The following HOXC5 variants were observed in gnomAD, a reference collection of about 807,000 sequenced individuals.
The protein encoded by HOXC5 is homeobox C5, also known as homeobox protein Hox-C5.
HOXC5 carries 19 observed loss-of-function variants against 20.1 expected under a neutral mutation model. That is an observed-to-expected ratio of 0.94 (90% CI 0.66 to 1.38). HOXC5 has a LOEUF of 1.38. Ranked by LOEUF, HOXC5 falls within the 40% of genes most tolerant of loss-of-function variation. The pLI is 0.00. For missense variants in HOXC5, 330 were observed against 300.1 expected (o/e 1.10, Z -0.74); for synonymous variants, 124 against 117.0 (o/e 1.06, Z -0.39).
chr12:54,034,480 A>G lies in HOXC5; in HGVS notation c.657A>G (p.Lys219=). 1.2e-6 allele frequency: 2 copies of G among 1,613,948 alleles called. No homozygotes were observed. The highest frequency in any genetic ancestry group is 8.5e-7 in the Non-Finnish European group (1 of 1,179,984). ...AGAAAGATTCCAAAATGAAAAGCAAAGAGGCTCTTTAGAGGCAGCGGGGGA... is the reference window on the plus strand; with the variant it reads ...AGAAAGATTCCAAAATGAAAAGCAAGGAGGCTCTTTAGAGGCAGCGGGGGA... The part of the protein sequence containing the change: ...KWKKDSKMKS[K]EAL Residue 219 remains lysine (K), a synonymous_variant, in exon 2 of 2, where the codon AAA becomes AAG. Transcript: ENST00000312492.
chr12:54,017,780 G>A, the HOXC5 span, among the ~76,000 whole-genome samples: 6 of 152,206 alleles, frequency 3.9e-5, no homozygotes, highest in Admixed American at 2.6e-4. Flanking sequence ...AACTGGGTCG[G>A]AGCGGAACTG....
chr12:54,034,675 CG>C lies in HOXC5; in HGVS notation c.*187del, dbSNP rs1164839338. 3.4e-6 allele frequency: 2 copies of C among 589,806 alleles called. No homozygotes were observed. The highest frequency in any genetic ancestry group is 6.0e-6 in the Non-Finnish European group (2 of 333,400). 36.5% of individuals were successfully genotyped at this position (589,806 alleles called of 1,614,324 possible). A position where few individuals can be genotyped will look rare whatever the true frequency, so the allele number is the denominator to read the frequency against. ...CATCCCTACCGACCCAGGGTTCCCG[CG>C]GGGCTGTCGGCGCTGCCCCATCTCC... On this transcript the variant is annotated 3_prime_UTR_variant, in exon 2 of 2. Transcript: ENST00000312492.
chr12:54,026,972 G>C, the HOXC5 span, among the ~76,000 whole-genome samples: 2 of 139,018 alleles, frequency 1.4e-5, no homozygotes, highest in East Asian at 2.3e-4. Flanking sequence ...GGTGGGGGGG[G>C]GGGGATATGA....
the HOXC5 span, among the ~76,000 whole-genome samples, chr12:54,026,617 T>C: frequency 1.3e-5 from 2 of 152,308 alleles, no homozygotes; most frequent in Non-Finnish European, 1.5e-5. Context: ...TTCTGGAGGA[T>C]TGGGGCTGTA....
At chr12:54,032,699 C>T (rs776141940), upstream of HOXC5, among the ~76,000 whole-genome samples, 1 of 152,166 alleles carries the variant, frequency 6.6e-6, no homozygotes, top group Non-Finnish European at 1.5e-5. Flanking sequence ...ATCCAGCCAC[C>T]GGAAAGCAAG....
chr12:54,018,585 C>G, the HOXC5 span, among the ~76,000 whole-genome samples: 1 of 152,224 alleles, frequency 6.6e-6, no homozygotes, highest in African/African-American at 2.4e-5. Context: ...AACACAGTGG[C>G]TTAATTTCTT....
chr12:54,021,534 G>C, the HOXC5 span: 1 of 152,196 alleles, frequency 6.6e-6, no homozygotes, highest in African/African-American at 2.4e-5. Flanking sequence ...CCCCATAAAA[G>C]AAAGCAGGGA....
the HOXC5 span, among the ~76,000 whole-genome samples, chr12:54,026,954 C>T: frequency 2.9e-5 from 3 of 104,688 alleles, no homozygotes; most frequent in African/African-American, 7.1e-5. Flanking sequence ...CCCAACCCAC[C>T]CAAAAATGGT....
the HOXC5 span, among the ~76,000 whole-genome samples, chr12:54,024,931 T>C: frequency 6.6e-6 from 1 of 152,218 alleles, no homozygotes. Flanking sequence ...CAAGTGGCAA[T>C]TTTTCCCTTG....
At chr12:54,027,815 T>G in the HOXC5 span, among the ~76,000 whole-genome samples, 154 of 152,308 alleles carry the variant, frequency 1.0e-3, 1 homozygote, top group African/African-American at 3.6e-3. Context: ...GACCTAGTTG[T>G]TCCCCACATC....
At chr12:54,024,792 A>G in the HOXC5 span, among the ~76,000 whole-genome samples, 22 of 151,970 alleles carry the variant, frequency 1.4e-4, no homozygotes, top group African/African-American at 5.3e-4. Flanking sequence ...CTGCAATGCC[A>G]CCCTTATCCT....
chr12:54,026,941 C>CA, the HOXC5 span, among the ~76,000 whole-genome samples: 1,290 of 142,550 alleles, frequency 9.0e-3, 14 homozygotes, highest in African/African-American at 0.032. Context: ...AGCTTTCCCC[C>CA]CCCCCAACCC....
upstream of HOXC5, chr12:54,028,977 G>A (rs1940858430): frequency 6.6e-6 from 10 of 1,507,252 alleles, no homozygotes; most frequent in Non-Finnish European, 8.9e-6. Context: ...CTTTATGACC[G>A]GCTTCCCTAG....
Position 54,033,469 on chromosome 12 carries a change from G to A in HOXC5, c.347G>A (p.Gly116Glu). 2.5e-6 allele frequency: 4 copies of A among 1,598,120 alleles called. No homozygotes were observed. Among genetic ancestry groups the A allele is most frequent in the Non-Finnish European group, 3.4e-6 (4 of 1,174,354 alleles). ...PALEERAKSS[G>E]EIKEEQAQTG... ...CTGGAGGAGCGAGCTAAGAGCAGTG[G>A]GGAGATCAAAGAGGAGCAGGCGCAG... is the stretch of plus-strand genomic sequence containing the variant. Residue 116 changes from glycine to glutamate, a missense_variant, in exon 1 of 2, where the codon GGG (glycine) becomes GAG (glutamate). Coordinates refer to ENST00000312492, the MANE Select transcript of HOXC5 (RefSeq NM_018953.4).
At chr12:54,034,212 G>A in intron 1 of HOXC5, 66 bp from the exon 2 acceptor site, 1 of 1,436,358 alleles carries the variant, frequency 7.0e-7, no homozygotes, top group Non-Finnish European at 9.7e-7. Flanking sequence ...CTGGGCTGGG[G>A]TGGGGACGGG....
At position 54,033,258 on chromosome 12, in the gene HOXC5, A is replaced by G; in HGVS notation, c.136A>G (p.Ser46Gly). The G allele has an allele frequency of 6.2e-7, 1 of 1,614,174 alleles. No homozygotes were observed. Among genetic ancestry groups the G allele is most frequent in the African/African-American group, 1.3e-5 (1 of 75,052 alleles). ...GTACTGCTACGGCGGATTGGACTTA[A>G]GCATCACTTTCCCACCGCCTGCGCC... Reference protein sequence around the residue: ...SRYCYGGLDLSITFPPPAPSN... With the variant: ...SRYCYGGLDLGITFPPPAPSN... The change falls in exon 1 of 2, where the codon AGC (serine) becomes GGC (glycine). Residue 46 changes from serine (S) to glycine (G), a missense_variant. By Grantham distance (56) the Ser-to-Gly change is moderately conservative (BLOSUM62 0). Transcript: ENST00000312492.
the HOXC5 span, among the ~76,000 whole-genome samples, chr12:54,025,658 C>A: frequency 1.3e-5 from 2 of 151,996 alleles, no homozygotes; most frequent in African/African-American, 4.8e-5. Flanking sequence ...CAGCTGGTTT[C>A]TGTTCATTAT....
At chr12:54,028,915 C>T (rs1449386202), upstream of HOXC5, 1 of 1,608,770 alleles carries the variant, frequency 6.2e-7, no homozygotes, top group Non-Finnish European at 8.5e-7. Flanking sequence ...AATGAATTCG[C>T]ACAGTGGTGA....
upstream of HOXC5, chr12:54,030,211 C>T: frequency 4.9e-6 from 2 of 406,306 alleles, no homozygotes; most frequent in East Asian, 7.8e-5. Context: ...TCTACAGGCC[C>T]TTTTCCCCGT....
Sources: allele counts gnomAD v4.1 joint callset (sites outside exome capture counted in the v4.1 genomes callset), GRCh38; gene constraint gnomAD v4.1.1; transcripts MANE v1.5; gene names NCBI Gene and HGNC (gene_info 2026-07-23, HGNC 2026-07-21).